The following CASK variants were observed in gnomAD, a reference collection of about 807,000 sequenced individuals.
CASK encodes the protein peripheral plasma membrane protein CASK.
In CASK, 4 loss-of-function variants were observed where a neutral mutation model predicts 82.9. The observed-to-expected ratio is 0.05, with a 90% CI of 0.02 to 0.11. CASK has a LOEUF of 0.11. CASK is among the 10% of genes least tolerant of loss of function. The pLI is 1.00. For missense variants in CASK, 358 were observed against 720.9 expected (o/e 0.50, Z 5.76); for synonymous variants, 259 against 253.5 (o/e 1.02, Z -0.20).
At chrX:41,822,104 T>C (rs1278466395) in intron 2 of CASK, among the ~76,000 whole-genome samples, 1 of 112,544 alleles carries the variant, frequency 8.9e-6, no homozygotes, top group Non-Finnish European at 1.9e-5. Context: ...AAGCAAAATA[T>C]TCTAATCAAA....
intron 2 of CASK, among the ~76,000 whole-genome samples, chrX:41,813,823 A>G (rs1290758043): frequency 8.9e-6 from 1 of 111,943 alleles, no homozygotes; most frequent in Non-Finnish European, 1.9e-5. Flanking sequence ...GAATGGGAGA[A>G]AATTTTTGCA....
At chrX:41,751,527 G>A (rs1037678294) in intron 3 of CASK, among the ~76,000 whole-genome samples, 1 of 107,179 alleles carries the variant, frequency 9.3e-6, no homozygotes, top group East Asian at 2.9e-4. Flanking sequence ...AAGAATGTGG[G>A]TTTTGGAAAG....
Position 41,637,378 on chromosome X carries a change from C to CTTTT in CASK, c.832-721_832-718dup, listed in dbSNP as rs758261036. Among the ~76,000 whole-genome samples, 17 of 36,893 alleles carry CTTTT rather than the reference C, an allele frequency of 4.6e-4. 1 individual carries two copies. Among genetic ancestry groups the CTTTT allele is most frequent in the East Asian group, 1.1e-3 (1 of 919 alleles). 32.0% of individuals were successfully genotyped at this position (36,893 alleles called of 115,157 possible). A position where few individuals can be genotyped will look rare whatever the true frequency, so the allele number is the denominator to read the frequency against. ...TACAGACTCTTCTAATTAGGACACG[C>CTTTT]TTTTTTTTTTTTTTTTTTTTTTTTT... On this transcript the variant is annotated intron_variant, in intron 8 of 26. Transcript: ENST00000378163.
intron 5 of CASK, chrX:41,727,612 G>A (rs2068286335): frequency 4.1e-6 from 5 of 1,207,594 alleles, no homozygotes; most frequent in Non-Finnish European, 5.6e-6. Context: ...GGAACTAGGA[G>A]CCATGATCTC....
Position 41,647,327 on chromosome X carries a change from A to T in CASK, c.832-10666T>A, listed in dbSNP as rs189566426. Among the ~76,000 whole-genome samples the T allele has an allele frequency of 1.4e-3, 162 of 112,429 alleles. 1 individual carries two copies. Among genetic ancestry groups the T allele is most frequent in the Admixed American group, 2.2e-3 (23 of 10,615 alleles). On this transcript the variant is annotated intron_variant, in intron 8 of 26. Coordinates refer to ENST00000378163, the MANE Select transcript of CASK (RefSeq NM_001367721.1). The stretch of plus-strand genomic sequence containing the variant: ...AAAGGACACCTTCTAGGTAAAGAAG[A>T]TAATTTATCATTAGACATAATTAAA...
chrX:41,917,266 T>G (rs1281832625), intron 1 of CASK, among the ~76,000 whole-genome samples: 1 of 112,126 alleles, frequency 8.9e-6, no homozygotes, highest in Non-Finnish European at 1.9e-5. Context: ...AATCTCAGTG[T>G]TCTCTGTAAA....
intron 2 of CASK, among the ~76,000 whole-genome samples, chrX:41,851,386 A>G (rs1418125189): frequency 8.9e-6 from 1 of 111,841 alleles, no homozygotes; most frequent in Non-Finnish European, 1.9e-5. Context: ...AAATGAAGAC[A>G]GGACTTAATA....
intron 12 of CASK, among the ~76,000 whole-genome samples, chrX:41,595,914 T>C (rs2065813894): frequency 8.9e-6 from 1 of 111,839 alleles, no homozygotes; most frequent in Non-Finnish European, 1.9e-5. Context: ...CTCAATATGA[T>C]TTGAAAACTA....
At chrX:41,800,918 T>C (rs2069983547) in intron 2 of CASK, among the ~76,000 whole-genome samples, 1 of 111,376 alleles carries the variant, frequency 9.0e-6, no homozygotes, top group Admixed American at 9.6e-5. Context: ...TTAACACCAA[T>C]AGAGGTAGCA....
chrX:41,748,914 G>A (rs1286513184), intron 3 of CASK, among the ~76,000 whole-genome samples: 2 of 112,050 alleles, frequency 1.8e-5, no homozygotes, highest in African/African-American at 6.5e-5. Flanking sequence ...CTACACATGT[G>A]CATACACACA....
chrX:41,797,118 G>A (rs188196570), intron 2 of CASK, among the ~76,000 whole-genome samples: 6 of 106,277 alleles, frequency 5.6e-5, no homozygotes, highest in Middle Eastern at 5.0e-3. Context: ...CTAGCTCTCC[G>A]GCTTCTTAGT....
intron 3 of CASK, among the ~76,000 whole-genome samples, chrX:41,753,144 C>T (rs1329584741): frequency 1.8e-5 from 2 of 111,680 alleles, no homozygotes; most frequent in East Asian, 5.6e-4. Context: ...CATATATATG[C>T]ATATTTATGT....
At chrX:41,578,585 A>G in intron 14 of CASK, 57 bp from the exon 15 acceptor site, 1 of 866,802 alleles carries the variant, frequency 1.2e-6, no homozygotes, top group South Asian at 2.2e-5. Context: ...GCAGAAATTT[A>G]TTTTATTTAT....
At chrX:41,898,737 T>G (rs941738190) in intron 1 of CASK, among the ~76,000 whole-genome samples, 1 of 111,863 alleles carries the variant, frequency 8.9e-6, no homozygotes, top group African/African-American at 3.2e-5. Flanking sequence ...TATTTAGGAA[T>G]TTTCCGTTTT....
intron 3 of CASK, among the ~76,000 whole-genome samples, chrX:41,746,108 G>T (rs2068682953): frequency 9.0e-6 from 1 of 111,176 alleles, no homozygotes; most frequent in Non-Finnish European, 1.9e-5. Context: ...AAAGTTCATC[G>T]CTACAAACAT....
intron 14 of CASK, among the ~76,000 whole-genome samples, chrX:41,580,256 C>T (rs1425294812): frequency 1.8e-5 from 2 of 112,224 alleles, no homozygotes; most frequent in Non-Finnish European, 3.8e-5. Flanking sequence ...CGTCATATCA[C>T]TGCAGCCTTG....
At chrX:41,855,998 C>T (rs1221421309) in intron 1 of CASK, among the ~76,000 whole-genome samples, 1 of 112,111 alleles carries the variant, frequency 8.9e-6, no homozygotes, top group Non-Finnish European at 1.9e-5. Flanking sequence ...TATATCACTA[C>T]AATATCCCCT....
At chrX:41,583,941 C>T (rs1159785666) in intron 14 of CASK, 1 of 111,366 alleles carries the variant, frequency 9.0e-6, no homozygotes, top group Non-Finnish European at 1.9e-5. Flanking sequence ...GATGGGGTCT[C>T]CCAATGTTGC....
At chrX:41,919,269 C>T (rs1222418328) in intron 1 of CASK, 2 of 111,633 alleles carry the variant, frequency 1.8e-5, no homozygotes, top group African/African-American at 3.3e-5. Flanking sequence ...TACAGCATGC[C>T]TCACAAAGTT....
Sources: gnomAD v4.1 joint callset for allele counts (sites outside exome capture counted in the v4.1 genomes callset) on GRCh38, gnomAD v4.1.1 for gene constraint, MANE v1.5 for transcripts, NCBI Gene and HGNC (gene_info 2026-07-23, HGNC 2026-07-21) for gene names.